NEB: variants seen among roughly 807,000 people sequenced by gnomAD.
The protein encoded by NEB is nemaline myopathy type 2.
In NEB, 512 loss-of-function variants were observed where a neutral mutation model predicts 952.2. That is an observed-to-expected ratio of 0.54 (90% CI 0.50 to 0.58). The LOEUF (loss-of-function observed/expected upper bound fraction) is 0.58, where lower values mean the gene tolerates loss of function less well. Among genes scored for constraint, NEB ranks in the 20% least tolerant of loss-of-function variants. The pLI is 0.00. For missense variants in NEB, 8,428 were observed against 9,231.1 expected, an observed-to-expected ratio of 0.91 and a Z score of 3.56; for synonymous variants, 2,900 against 3,149.8, an observed-to-expected ratio of 0.92 and a Z score of 2.66.
At chr2:151,611,303 G>C (rs1211579593) in intron 78 of NEB, among the ~76,000 whole-genome samples, 2 of 152,050 alleles carry the variant, frequency 1.3e-5, no homozygotes, top group African/African-American at 4.8e-5. Flanking sequence ...TTCTGAGAGG[G>C]GGATAATCAT....
chr2:151,645,903 A>G (rs1220954984), intron 55 of NEB, among the ~76,000 whole-genome samples: 1 of 152,212 alleles, frequency 6.6e-6, no homozygotes, highest in Non-Finnish European at 1.5e-5. Context: ...GATATGTATA[A>G]CAACGGACTG....
At chr2:151,697,493 G>A in intron 14 of NEB, 36 bp from the exon 15 acceptor site, 2 of 1,604,148 alleles carry the variant, frequency 1.2e-6, no homozygotes, top group Non-Finnish European at 1.7e-6. Flanking sequence ...ATTAATTGGT[G>A]AAATAATGGG....
intron 179 of NEB, 161 bp downstream of exon 179, chr2:151,491,521 TA>T: frequency 1.7e-6 from 1 of 588,952 alleles, no homozygotes; most frequent in Non-Finnish European, 3.0e-6. Flanking sequence ...ATCTAGAAAG[TA>T]AGTTTTGCTC....
At position 151,650,264 on chromosome 2, in the gene NEB, C is replaced by T. The variant is rs373589529; in HGVS notation, c.7343G>A (p.Arg2448His). Residue 2448 changes from arginine (R) to histidine (H), a missense_variant, in exon 54 of 182, where the codon CGT (arginine) becomes CAT (histidine). Coordinates refer to ENST00000397345, the MANE Select transcript of NEB (RefSeq NM_001164508.2). ...GAACTTGTTTCTGTCTGGAGGCTGA[C>T]GATATTTCTTCTCACTGATGATTTC... ...ASEIISEKKY[R>H]QPPDRNKFTS... 201 of 1,613,786 alleles carry T rather than the reference C, an allele frequency of 1.2e-4. 1 individual carries two copies. In the Middle Eastern group the frequency reaches 2.1e-3, roughly 17 times the overall value.
Position 151,636,233 on chromosome 2 carries a change from G to A in NEB, c.9096C>T (p.Ile3032=). The change falls in exon 64 of 182, where the codon ATC becomes ATT. Residue 3032 remains isoleucine, a synonymous_variant. Coordinates refer to ENST00000397345, the MANE Select transcript of NEB (RefSeq NM_001164508.2). ...AATGGAATTGACAACTCACGTCACT[G>A]ATGATGTCCCTGGAGGCCTTGGCCG... ...IVAAKASRDI[I]SDYKYKDGYC... The A allele has an allele frequency of 6.8e-6, 11 of 1,607,840 alleles. No homozygotes were observed. Among genetic ancestry groups the A allele is most frequent in the Non-Finnish European group, 9.3e-6 (11 of 1,178,680 alleles).
At chr2:151,674,328 A>T (rs2099339731) in intron 36 of NEB, 149 bp downstream of exon 36, 1 of 700,670 alleles carries the variant, frequency 1.4e-6, no homozygotes, top group Non-Finnish European at 2.5e-6. Context: ...AAATGTTTCT[A>T]AAAGTGACAG....
At chr2:151,519,882 T>C in intron 153 of NEB, 114 bp from the exon 154 acceptor site, 2 of 671,670 alleles carry the variant, frequency 3.0e-6, no homozygotes, top group Admixed American at 4.8e-5. Flanking sequence ...AGTGATCATA[T>C]AATCTATTAT....
intron 167 of NEB, 114 bp from the exon 168 acceptor site, chr2:151,501,597 T>G: frequency 2.0e-6 from 1 of 502,646 alleles, no homozygotes; most frequent in Non-Finnish European, 3.5e-6. Flanking sequence ...TATGATGAAG[T>G]ACCTCAGTAA....
chr2:151,626,984 T>A lies in NEB; in HGVS notation c.10347+18A>T. ...GACATATAGCCCTGTCTTATTTTCC[T>A]ACAAATTGGGGGCTCACCTTGTTCA... On this transcript the variant is annotated intron_variant, in intron 70 of 181. Coordinates refer to ENST00000397345, the MANE Select transcript of NEB (RefSeq NM_001164508.2). 3.1e-6 allele frequency: 5 copies of A among 1,613,122 alleles called. No homozygotes were observed. The highest frequency in any genetic ancestry group is 4.2e-6 in the Non-Finnish European group (5 of 1,179,102).
At chr2:151,639,236 T>C (rs768512888) in intron 63 of NEB, 44 bp downstream of exon 63, 12 of 1,412,358 alleles carry the variant, frequency 8.5e-6, no homozygotes, top group Admixed American at 3.9e-5. Context: ...GTAGATCAAC[T>C]GAAATAAGCA....
chr2:151,535,484 T>C (rs1026880870), intron 142 of NEB, among the ~76,000 whole-genome samples: 1 of 152,240 alleles, frequency 6.6e-6, no homozygotes, highest in Non-Finnish European at 1.5e-5. Flanking sequence ...CTCCCACCAC[T>C]GAACGGTCCC....
At chr2:151,569,672 T>C (rs978578896) in intron 109 of NEB, among the ~76,000 whole-genome samples, 34 of 152,296 alleles carry the variant, frequency 2.2e-4, no homozygotes, top group African/African-American at 7.9e-4. Flanking sequence ...CCGACATTTG[T>C]ACACAAAAAT....
At chr2:151,610,159 A>T in intron 80 of NEB, 39 bp from the exon 81 acceptor site, 2 of 1,520,182 alleles carry the variant, frequency 1.3e-6, no homozygotes, top group Non-Finnish European at 1.8e-6. Flanking sequence ...ATCCAGTTTT[A>T]AAACCATGCT....
chr2:151,679,105 G>A (rs1197156937), intron 32 of NEB, among the ~76,000 whole-genome samples: 2 of 152,064 alleles, frequency 1.3e-5, no homozygotes, highest in East Asian at 1.9e-4. Context: ...CAAAAACCTC[G>A]GAGACTCCAC....
intron 123 of NEB, 115 bp from the exon 124 acceptor site, chr2:151,560,814 G>A: frequency 1.2e-6 from 1 of 814,818 alleles, no homozygotes; most frequent in East Asian, 2.7e-5. Context: ...TAACTCCCAG[G>A]ACTCCTCTTT....
chr2:151,636,224 C>CA lies in NEB; in HGVS notation c.9102+2dup. The CA allele has an allele frequency of 6.2e-7, 1 of 1,604,878 alleles. No individual in the cohort carries two copies. Among genetic ancestry groups the CA allele is most frequent in the Non-Finnish European group, 8.5e-7 (1 of 1,176,898 alleles). On this transcript the variant is annotated splice_region_variant and intron_variant, in intron 64 of 181. Transcript: ENST00000397345. ...CATACTCAGAATGGAATTGACAACT[C>CA]ACGTCACTGATGATGTCCCTGGAGG...
chr2:151,675,190 T>C (rs750629199), intron 35 of NEB, 97 bp downstream of exon 35: 32 of 849,656 alleles, frequency 3.8e-5, no homozygotes, highest in East Asian at 2.9e-4. Flanking sequence ...TTGTGAGAAA[T>C]GGGCCTAAAT....
intron 168 of NEB, among the ~76,000 whole-genome samples, chr2:151,500,593 C>CTTTTTTTTTTTTTTTTTTTTTTTTTTT (rs11428843): frequency 8.4e-6 from 1 of 118,458 alleles, no homozygotes; most frequent in Non-Finnish European, 1.7e-5. Flanking sequence ...TTCTTTCTTC[C>CTTTTTTTTTTTTTTTTTTTTTTTTTTT]TTTTTTTTTT....
intron 5 of NEB, 68 bp from the exon 6 acceptor site, chr2:151,725,628 A>G (rs776458582): frequency 1.6e-6 from 2 of 1,228,792 alleles, no homozygotes; most frequent in African/African-American, 3.0e-5. Context: ...TACTCACCCC[A>G]TTTGATAAAA....
Sources: gnomAD v4.1 joint callset for allele counts (sites outside exome capture counted in the v4.1 genomes callset) on GRCh38, gnomAD v4.1.1 for gene constraint, MANE v1.5 for transcripts, NCBI Gene and HGNC (gene_info 2026-07-23, HGNC 2026-07-21) for gene names.